Variants in SLTM observed in about 807,000 individuals in gnomAD.
SLTM encodes the protein SAFB-like transcription modulator.
SLTM carries 43 observed loss-of-function variants against 134.6 expected under a neutral mutation model. That is an observed-to-expected ratio of 0.32 (90% CI 0.25 to 0.41). The LOEUF is 0.41. SLTM is among the 10% of genes least tolerant of loss of function. SLTM has a pLI of 1.00. For synonymous variants in SLTM, 424 were observed against 432.3 expected (o/e 0.98, Z 0.24); for missense variants, 1,055 against 1,288.8 (o/e 0.82, Z 2.78).
In SLTM at chr15:58,893,827, G is replaced by T; in HGVS notation, c.1642C>A (p.Arg548=). 6.2e-7 allele frequency: 1 copy of T among 1,607,264 alleles called. No homozygotes were observed. The highest frequency in any genetic ancestry group is 8.5e-7 in the Non-Finnish European group (1 of 1,178,326). ...ESIKKSEEKK[R]ISSKSPGHMV... ...GAAAAGATGTATAGCATACTTATTC[G>T]CTTCTTTTCTTCACTTTTTTTAATC... The change falls in exon 12 of 21, where the codon CGA becomes AGA. Residue 548 remains arginine (R), a synonymous_variant. Transcript: ENST00000380516.
chr15:58,902,917 T>G (rs1338393503), intron 5 of SLTM, among the ~76,000 whole-genome samples: 1 of 151,892 alleles, frequency 6.6e-6, no homozygotes, highest in East Asian at 1.9e-4. Flanking sequence ...TTTTTTATTT[T>G]TTGAGACAGA....
intron 19 of SLTM, 83 bp downstream of exon 19, chr15:58,886,892 A>T: frequency 6.6e-7 from 1 of 1,514,592 alleles, no homozygotes; most frequent in Non-Finnish European, 9.0e-7. Context: ...GCCACATCAA[A>T]ATGCTACTGT....
chr15:58,885,598 A>C (rs1224059946), intron 19 of SLTM, among the ~76,000 whole-genome samples: 1 of 152,144 alleles, frequency 6.6e-6, no homozygotes, highest in Non-Finnish European at 1.5e-5. Context: ...AGCCTGACCA[A>C]CATGGTGAAA....
At chr15:58,920,405 T>C (rs556958480) in intron 2 of SLTM, among the ~76,000 whole-genome samples, 1 of 151,216 alleles carries the variant, frequency 6.6e-6, no homozygotes, top group Non-Finnish European at 1.5e-5. Context: ...AGGTGGATCA[T>C]CTGAGGTTAG....
Position 58,901,220 on chromosome 15 carries a change from C to T in SLTM, c.589+40G>A. On this transcript the variant is annotated intron_variant, in intron 6 of 20. Transcript: ENST00000380516. ...GCTTTTTACATAATTTACTGTTTTT[C>T]TAAATTTTAGCAATTTTTAAGCTCT... The T allele has an allele frequency of 2.6e-6, 4 of 1,525,456 alleles. No individual in the cohort carries two copies. In the South Asian group the frequency reaches 3.6e-5, roughly 14 times the overall value. The allele number at this position is 1,525,456 out of a possible 1,614,324, so 94.5% of individuals were successfully genotyped here.
At chr15:58,925,853 T>C (rs1386208859) in intron 2 of SLTM, among the ~76,000 whole-genome samples, 1 of 152,172 alleles carries the variant, frequency 6.6e-6, no homozygotes, top group Non-Finnish European at 1.5e-5. Context: ...ACCTTTCTAT[T>C]CTACCAGTAA....
rs370727636 is a variant in SLTM at position 58,894,108 on chromosome 15, G to T, written c.1463C>A (p.Thr488Lys). The change falls in exon 11 of 21, where the codon ACG becomes AAG. Residue 488 changes from threonine to lysine, a missense_variant. Around this residue, in one of 3 missense-constraint regions of SLTM, gnomAD observed 776 missense variants for 962.2 expected, o/e 0.81. Transcript: ENST00000380516. ...SSRSSGDKKNTSDRSSKTQAS... is the reference protein window; with the variant it reads ...SSRSSGDKKNKSDRSSKTQAS... ...TCCTTACTTGCTACTTCTATCACTC[G>T]TATTTTTTTTATCTCCAGAACTTCT... 2.5e-6 allele frequency: 4 copies of T among 1,604,986 alleles called. No individual in the cohort carries two copies. The highest frequency in any genetic ancestry group is 3.4e-6 in the Non-Finnish European group (4 of 1,176,276).
At chr15:58,886,252 TGTGTGTGTGTG>T (rs2034189050) in intron 19 of SLTM, among the ~76,000 whole-genome samples, 1 of 148,118 alleles carries the variant, frequency 6.8e-6, no homozygotes, top group African/African-American at 2.5e-5. Context: ...TGTGTGTGTG[TGTGTGTGTGTG>T]TGTATTTTTT....
At chr15:58,908,416 G>A (rs1382129042) in intron 5 of SLTM, among the ~76,000 whole-genome samples, 1 of 152,102 alleles carries the variant, frequency 6.6e-6, no homozygotes, top group Non-Finnish European at 1.5e-5. Context: ...GCCCAGGTTG[G>A]AGTACAGTGG....
chr15:58,933,673 G>A lies in SLTM; in HGVS notation c.-108C>T. On this transcript the variant is annotated 5_prime_UTR_variant, in exon 1 of 21. Transcript: ENST00000380516. ...GGCCGCCGGCGCCGCGCAGCGCTGC[G>A]CACAATGAGCCGCTGGCCCCTCCCC... 1.5e-6 allele frequency: 2 copies of A among 1,324,328 alleles called. No individual in the cohort carries two copies. Among genetic ancestry groups the A allele is most frequent in the Non-Finnish European group, 1.9e-6 (2 of 1,039,560 alleles). 82.0% of individuals were successfully genotyped at this position (1,324,328 alleles called of 1,614,324 possible).
In SLTM at chr15:58,932,868, T is replaced by C. The variant is rs117992365; in HGVS notation, c.163-425A>G. On this transcript the variant is annotated intron_variant, in intron 1 of 20. Transcript: ENST00000380516. ...CTAATCAGGAAAGAAAAAGTAATTA[T>C]TGCGCTGATGCAAAAACTAAAAGCC... 7.4e-4 allele frequency among the ~76,000 whole-genome samples: 112 copies of C among 152,324 alleles called. 2 individuals are homozygous for C. In the East Asian group the frequency reaches 0.015, roughly 20 times the overall value.
chr15:58,933,367 CCCTTCCCGGT>C (rs1382950352), intron 1 of SLTM, 27 bp downstream of exon 1: 3 of 1,548,200 alleles, frequency 1.9e-6, no homozygotes, highest in Admixed American at 3.8e-5. Context: ...GCCTAAGTTC[CCCTTCCCGGT>C]CCTTTCCGGT....
At chr15:58,919,511 G>GACTGCTTGAACCCAGGAGGTGGGAGA (rs1352375298) in intron 2 of SLTM, among the ~76,000 whole-genome samples, 1 of 151,942 alleles carries the variant, frequency 6.6e-6, no homozygotes, top group Non-Finnish European at 1.5e-5. Context: ...GAGGTGGGAG[G>GACTGCTTGAACCCAGGAGGTGGGAGA]ACTGCTTGAA....
chr15:58,887,365 C>T lies in SLTM; in HGVS notation c.2551G>A (p.Asp851Asn), dbSNP rs2034305033. ...SDRREVRGER[D>N]ERRTVIIHDR... ...TGAATAATCACCGTTCTCCTTTCGT[C>T]TCGCTCCCCTCGTACTTCTCGCCTG... Residue 851 changes from aspartate to asparagine, a missense_variant, in exon 18 of 21, where the codon GAC becomes AAC. Physicochemically the swap from Asp to Asn is conservative, Grantham distance 23. This residue lies in a region of SLTM where 776 missense variants were observed against 962.2 expected (regional missense o/e 0.81). Transcript: ENST00000380516. 6.2e-7 allele frequency: 1 copy of T among 1,613,882 alleles called. No individual in the cohort carries two copies.
In SLTM at chr15:58,894,455, C is replaced by G; in HGVS notation, c.1355G>C (p.Gly452Ala). ...TACTTTTTCAACAGAAATCAGCTGTCCATGCAGCTCAGTGCGATGAAGATG... is the reference window on the plus strand; with the variant it reads ...TACTTTTTCAACAGAAATCAGCTGTGCATGCAGCTCAGTGCGATGAAGATG... ...IAHLHRTELH[G>A]QLISVEKVKG... Residue 452 changes from glycine (G) to alanine (A), a missense_variant, in exon 10 of 21, where the codon GGA becomes GCA. Coordinates refer to ENST00000380516, the MANE Select transcript of SLTM (RefSeq NM_024755.4). The G allele has an allele frequency of 6.2e-7, 1 of 1,614,118 alleles. No homozygotes were observed. Among genetic ancestry groups the G allele is most frequent in the Non-Finnish European group, 8.5e-7 (1 of 1,180,002 alleles).
intron 1 of SLTM, among the ~76,000 whole-genome samples, chr15:58,932,944 T>G (rs1367540317): frequency 1.3e-5 from 2 of 151,904 alleles, no homozygotes; most frequent in African/African-American, 4.8e-5. Context: ...CACTACCAAT[T>G]CCCCCTCAAG....
intron 2 of SLTM, among the ~76,000 whole-genome samples, chr15:58,931,914 G>A (rs2037906537): frequency 1.3e-5 from 2 of 152,068 alleles, no homozygotes; most frequent in African/African-American, 2.4e-5. Context: ...TGCAAATTAA[G>A]TTCACCAAGT....
At chr15:58,905,263 G>C (rs2035793893) in intron 5 of SLTM, among the ~76,000 whole-genome samples, 1 of 152,254 alleles carries the variant, frequency 6.6e-6, no homozygotes, top group Admixed American at 6.5e-5. Flanking sequence ...GGTAGACAGA[G>C]ACAGCAAGGA....
In SLTM at chr15:58,917,014, A is replaced by C; in HGVS notation, c.251-15T>G. 6.2e-7 allele frequency: 1 copy of C among 1,612,558 alleles called. No individual in the cohort carries two copies. The highest frequency in any genetic ancestry group is 8.5e-7 in the Non-Finnish European group (1 of 1,178,848). On this transcript the variant is annotated splice_polypyrimidine_tract_variant and intron_variant, in intron 2 of 20. Transcript: ENST00000380516. Reference sequence around the variant, plus strand: ...ATGTTTTTTACCTGCGAAAGAAGGAAAATGGGCTAACAACCAATATTTTAT... The same window carrying C: ...ATGTTTTTTACCTGCGAAAGAAGGACAATGGGCTAACAACCAATATTTTAT...
Sources: gnomAD v4.1 joint callset for allele counts (sites outside exome capture counted in the v4.1 genomes callset) on GRCh38, gnomAD v4.1.1 for gene constraint, gnomAD v4.1.1 regional missense constraint, MANE v1.5 for transcripts, NCBI Gene and HGNC (gene_info 2026-07-23, HGNC 2026-07-21) for gene names.